The following NSMCE2 variants were observed in gnomAD, a reference collection of about 807,000 sequenced individuals.
NSMCE2 encodes E3 SUMO-protein ligase NSE2.
NSMCE2 carries 24 observed loss-of-function variants against 23.8 expected under a neutral mutation model. That is an observed-to-expected ratio of 1.01 (90% CI 0.73 to 1.42). The LOEUF (loss-of-function observed/expected upper bound fraction) is 1.42. Ranked by LOEUF, NSMCE2 falls within the 40% of genes most tolerant of loss-of-function variation. NSMCE2 has a pLI of 0.00. For missense variants in NSMCE2, 284 were observed against 296.5 expected, an observed-to-expected ratio of 0.96 and a Z score of 0.31; for synonymous variants, 92 against 94.1, an observed-to-expected ratio of 0.98 and a Z score of 0.13.
At chr8:125,228,371 A>G (rs1208185564) in intron 5 of NSMCE2, among the ~76,000 whole-genome samples, 1 of 152,238 alleles carries the variant, frequency 6.6e-6, no homozygotes, top group Non-Finnish European at 1.5e-5. Context: ...TCTGCCTTCT[A>G]GAAGCTTACA....
At chr8:125,206,486 TGAAC>T (rs1824122726) in intron 5 of NSMCE2, among the ~76,000 whole-genome samples, 1 of 152,234 alleles carries the variant, frequency 6.6e-6, no homozygotes, top group Admixed American at 6.5e-5. Context: ...GATGATATGC[TGAAC>T]TGCCATGGGC....
At chr8:125,292,031 G>A (rs1828128372) in intron 5 of NSMCE2, among the ~76,000 whole-genome samples, 3 of 151,922 alleles carry the variant, frequency 2.0e-5, no homozygotes, top group Non-Finnish European at 2.9e-5. Context: ...ATTGGGCCAG[G>A]ACTACACCAG....
chr8:125,321,183 A>T (rs538483751), intron 5 of NSMCE2, among the ~76,000 whole-genome samples: 1 of 115,122 alleles, frequency 8.7e-6, no homozygotes, highest in Non-Finnish European at 1.9e-5. Context: ...ATCAGATACC[A>T]AGTGGAAACC....
chr8:125,112,100 C>A (rs555351931), intron 3 of NSMCE2, among the ~76,000 whole-genome samples: 2 of 152,058 alleles, frequency 1.3e-5, no homozygotes, highest in African/African-American at 2.4e-5. Flanking sequence ...TAACAATAAC[C>A]CTAAGAAGCC....
At chr8:125,092,614 G>A (rs1362028403) in intron 1 of NSMCE2, among the ~76,000 whole-genome samples, 1 of 152,180 alleles carries the variant, frequency 6.6e-6, no homozygotes, top group Non-Finnish European at 1.5e-5. Context: ...GATTCAGAGA[G>A]AAGGGATTAT....
At chr8:125,201,894 G>A (rs1387800192) in intron 5 of NSMCE2, among the ~76,000 whole-genome samples, 1 of 152,176 alleles carries the variant, frequency 6.6e-6, no homozygotes, top group Non-Finnish European at 1.5e-5. Context: ...TCAAGCCTTA[G>A]CAATGGCGGA....
chr8:125,132,344 C>G (rs1563669546), intron 3 of NSMCE2, among the ~76,000 whole-genome samples: 1 of 152,154 alleles, frequency 6.6e-6, no homozygotes, highest in Non-Finnish European at 1.5e-5. Context: ...CTTTGGCCTC[C>G]CAAAGTGTTG....
At chr8:125,228,805 C>G (rs1270197239) in intron 5 of NSMCE2, among the ~76,000 whole-genome samples, 1 of 152,158 alleles carries the variant, frequency 6.6e-6, no homozygotes, top group Non-Finnish European at 1.5e-5. Context: ...AGCTCCTTCT[C>G]ATAAGTAGCT....
intron 2 of NSMCE2, 51 bp from the exon 3 acceptor site, chr8:125,102,266 C>T: frequency 8.5e-7 from 1 of 1,171,160 alleles, no homozygotes; most frequent in East Asian, 2.3e-5. Flanking sequence ...TTTTCCTGTG[C>T]AGTTATTATT....
chr8:125,357,644 T>C (rs1230671067), intron 6 of NSMCE2, 68 bp from the exon 7 acceptor site: 1 of 1,170,170 alleles, frequency 8.5e-7, no homozygotes, highest in African/African-American at 1.5e-5. Context: ...AGCTCAGGAC[T>C]AGGACGAAAC....
At chr8:125,208,664 C>A (rs889244719) in intron 5 of NSMCE2, among the ~76,000 whole-genome samples, 1 of 152,148 alleles carries the variant, frequency 6.6e-6, no homozygotes, top group Non-Finnish European at 1.5e-5. Flanking sequence ...GTGTTTCATA[C>A]AATTAACACC....
At chr8:125,232,084 G>A (rs1170025327) in intron 5 of NSMCE2, among the ~76,000 whole-genome samples, 8 of 152,108 alleles carry the variant, frequency 5.3e-5, no homozygotes, top group South Asian at 2.1e-4. Context: ...TGCTGATGCC[G>A]GGCGCAGTGG....
At chr8:125,129,575 TG>T (rs1376415693) in intron 3 of NSMCE2, among the ~76,000 whole-genome samples, 1 of 151,648 alleles carries the variant, frequency 6.6e-6, no homozygotes. Flanking sequence ...TGTGTGTGTG[TG>T]TGTCTGTGTG....
At chr8:125,274,006 G>T (rs901727631) in intron 5 of NSMCE2, among the ~76,000 whole-genome samples, 5 of 152,162 alleles carry the variant, frequency 3.3e-5, no homozygotes, top group African/African-American at 1.2e-4. Flanking sequence ...GCTGTGTTTA[G>T]CACCTCTTTT....
At chr8:125,183,634 G>GGTGTGTGTGT (rs59285361) in intron 5 of NSMCE2, among the ~76,000 whole-genome samples, 325 of 147,588 alleles carry the variant, frequency 2.2e-3, no homozygotes, top group African/African-American at 7.7e-3. Flanking sequence ...ATTACTCAGT[G>GGTGTGTGTGT]GTGTGTGTGT....
At chr8:125,240,759 A>G (rs1405924067) in intron 5 of NSMCE2, among the ~76,000 whole-genome samples, 3 of 152,048 alleles carry the variant, frequency 2.0e-5, no homozygotes, top group Admixed American at 1.3e-4. Context: ...ATTCCTGTCT[A>G]ATCAAGTAAA....
chr8:125,269,052 A>G (rs1030954950), intron 5 of NSMCE2, among the ~76,000 whole-genome samples: 1 of 152,128 alleles, frequency 6.6e-6, no homozygotes, highest in Non-Finnish European at 1.5e-5. Context: ...TTATTACCCA[A>G]AATGGATTAA....
intron 3 of NSMCE2, among the ~76,000 whole-genome samples, chr8:125,139,288 G>A (rs1820231854): frequency 6.6e-6 from 1 of 152,184 alleles, no homozygotes; most frequent in South Asian, 2.1e-4. Flanking sequence ...TAGGCACATG[G>A]TCTGCTCAGT....
Position 125,135,662 on chromosome 8 carries a change from A to T in NSMCE2, c.158-15509A>T, listed in dbSNP as rs76354357. 4.3e-4 allele frequency among the ~76,000 whole-genome samples: 66 copies of T among 152,008 alleles called. 2 individuals are homozygous for T. The East Asian group carries it at 0.012, about 27-fold the overall frequency. ...ATTGTCCTAGCACCATTTGTTGCTG[A>T]AGACTGTTTTTTCTCAGCTGAATTG... On this transcript the variant is annotated intron_variant, in intron 3 of 7. Transcript: ENST00000287437.
Sources: allele counts gnomAD v4.1 joint callset (sites outside exome capture counted in the v4.1 genomes callset), GRCh38; gene constraint gnomAD v4.1.1; transcripts MANE v1.5; gene names NCBI Gene and HGNC (gene_info 2026-07-23, HGNC 2026-07-21).